Variants in ROBO2 observed in about 807,000 individuals in gnomAD.
ROBO2 encodes the protein roundabout guidance receptor 2, also known as roundabout homolog 2.
Under a neutral mutation model 160.8 loss-of-function variants are expected in ROBO2, and 53 were observed. The ratio of observed to expected loss-of-function variants is 0.33; its 90% CI spans 0.26 to 0.41. The LOEUF (loss-of-function observed/expected upper bound fraction) is 0.41, where lower values mean the gene tolerates loss of function less well. Ranked by LOEUF, ROBO2 falls within the 10% of genes least tolerant of loss-of-function variation. The pLI is 1.00. For missense variants in ROBO2, 1,577 were observed against 1,722.4 expected (o/e 0.92, Z 1.49); for synonymous variants, 664 against 611.7 (o/e 1.09, Z -1.26).
rs1231306965 is a variant in ROBO2 at position 76,272,917 on chromosome 3, A to AT, written c.109+335315_109+335316insT. 1.8e-3 allele frequency among the ~76,000 whole-genome samples: 43 copies of AT among 23,730 alleles called. 2 individuals carry two copies. Among genetic ancestry groups the AT allele is most frequent in the Non-Finnish European group, 2.9e-3 (26 of 8,932 alleles). The allele number at this position is 23,730 out of a possible 152,430, so 15.6% of individuals were successfully genotyped here. ...AAATATAATATATATTTATATATAA[A>AT]ATATATATATTTATATATAAATATA... On this transcript the variant is annotated intron_variant, in intron 2 of 26. Coordinates refer to the ROBO2 transcript ENST00000487694.
intron 17 of ROBO2, among the ~76,000 whole-genome samples, chr3:77,591,424 T>C (rs998460898): frequency 6.6e-6 from 1 of 152,136 alleles, no homozygotes; most frequent in Non-Finnish European, 1.5e-5. Context: ...TCTACCCCAG[T>C]TGTAGCAGGC....
At chr3:77,412,198 T>C (rs988714226) in intron 2 of ROBO2, among the ~76,000 whole-genome samples, 5 of 152,184 alleles carry the variant, frequency 3.3e-5, no homozygotes, top group African/African-American at 9.6e-5. Context: ...AAGACATCTG[T>C]AGGTTCTTTA....
At chr3:76,878,405 TA>T (rs2072996044) in intron 2 of ROBO2, among the ~76,000 whole-genome samples, 2 of 152,230 alleles carry the variant, frequency 1.3e-5, no homozygotes, top group African/African-American at 4.8e-5. Context: ...CACTAAAATT[TA>T]TTCTTTTGGT....
Position 77,437,950 on chromosome 3 carries a change from G to T in ROBO2, c.389-39464G>T, listed in dbSNP as rs138949968. 9.1e-4 allele frequency among the ~76,000 whole-genome samples: 139 copies of T among 152,070 alleles called. 2 individuals carry two copies. In the East Asian group the frequency reaches 0.018, roughly 20 times the overall value. On this transcript the variant is annotated intron_variant, in intron 2 of 25. Transcript: ENST00000461745. Reference sequence around the variant, plus strand: ...GATAATAAATAAAGTGTAGCAGTATGTTTATTAAAAATCTATGCCTTAAAG... The same window carrying T: ...GATAATAAATAAAGTGTAGCAGTATTTTTATTAAAAATCTATGCCTTAAAG...
chr3:76,685,719 A>C (rs1242598655), intron 2 of ROBO2, among the ~76,000 whole-genome samples: 4 of 152,174 alleles, frequency 2.6e-5, no homozygotes, highest in Non-Finnish European at 5.9e-5. Context: ...TTCAAAATAG[A>C]AGGTTCATAC....
intron 2 of ROBO2, among the ~76,000 whole-genome samples, chr3:77,187,771 A>G (rs1413501368): frequency 6.6e-6 from 1 of 151,988 alleles, no homozygotes; most frequent in Non-Finnish European, 1.5e-5. Context: ...AAGAATAAAA[A>G]AGTGTATTAT....
At chr3:75,919,310 A>G (rs993352190) in intron 1 of ROBO2, among the ~76,000 whole-genome samples, 2 of 152,160 alleles carry the variant, frequency 1.3e-5, no homozygotes, top group African/African-American at 4.8e-5. Flanking sequence ...AGTTTTTGTC[A>G]TTGGTTCTGT....
At chr3:76,653,080 T>G (rs2091326046) in intron 2 of ROBO2, among the ~76,000 whole-genome samples, 1 of 152,038 alleles carries the variant, frequency 6.6e-6, no homozygotes, top group Non-Finnish European at 1.5e-5. Context: ...GCTTTTTTTG[T>G]TTTGTTTTGT....
At chr3:76,595,286 T>C (rs531317824) in intron 2 of ROBO2, among the ~76,000 whole-genome samples, 2 of 152,022 alleles carry the variant, frequency 1.3e-5, no homozygotes, top group South Asian at 2.1e-4. Context: ...TATATATACA[T>C]AGAACACATT....
chr3:76,392,467 A>G (rs2077202508), intron 2 of ROBO2, among the ~76,000 whole-genome samples: 1 of 152,160 alleles, frequency 6.6e-6, no homozygotes, highest in Admixed American at 6.6e-5. Flanking sequence ...GTTATACTAA[A>G]TTGATATGCA....
At chr3:76,854,008 A>G (rs2069711815) in intron 2 of ROBO2, among the ~76,000 whole-genome samples, 1 of 145,960 alleles carries the variant, frequency 6.9e-6, no homozygotes, top group Non-Finnish European at 1.5e-5. Flanking sequence ...GACAGCCAAA[A>G]GCATAGACTT....
At chr3:76,025,859 A>G (rs189405178) in intron 2 of ROBO2, among the ~76,000 whole-genome samples, 10 of 151,964 alleles carry the variant, frequency 6.6e-5, no homozygotes, top group South Asian at 2.1e-4. Context: ...CTGCCACTTC[A>G]GTGGCATCTA....
At chr3:77,440,893 T>C (rs1219380996) in intron 2 of ROBO2, among the ~76,000 whole-genome samples, 2 of 152,114 alleles carry the variant, frequency 1.3e-5, no homozygotes, top group Non-Finnish European at 2.9e-5. Context: ...GAGGAGAGGA[T>C]ATGTCACTAT....
At chr3:75,942,291 A>G (rs1948093379) in intron 2 of ROBO2, among the ~76,000 whole-genome samples, 1 of 152,094 alleles carries the variant, frequency 6.6e-6, no homozygotes, top group South Asian at 2.1e-4. Flanking sequence ...TTTTCATTTG[A>G]TAATTGAATA....
intron 2 of ROBO2, among the ~76,000 whole-genome samples, chr3:76,901,756 C>T (rs1165326886): frequency 2.6e-5 from 4 of 151,842 alleles, no homozygotes; most frequent in Admixed American, 2.6e-4. Context: ...CACTTTTTGA[C>T]CCACTTAAAT....
chr3:77,610,241 A>T (rs1013882924), intron 21 of ROBO2, among the ~76,000 whole-genome samples: 1 of 152,052 alleles, frequency 6.6e-6, no homozygotes, highest in Non-Finnish European at 1.5e-5. Flanking sequence ...CTTCTAGAAA[A>T]TTTTTCTATA....
At chr3:77,343,272 A>G (rs1219024434) in intron 2 of ROBO2, among the ~76,000 whole-genome samples, 2 of 152,184 alleles carry the variant, frequency 1.3e-5, no homozygotes, top group African/African-American at 4.8e-5. Flanking sequence ...TTACATAAGC[A>G]GAAGAGAGGA....
chr3:77,459,166 A>G (rs905431329), intron 2 of ROBO2, among the ~76,000 whole-genome samples: 2 of 152,208 alleles, frequency 1.3e-5, no homozygotes, highest in African/African-American at 4.8e-5. Flanking sequence ...ATTTGAATAC[A>G]TGAAATTTAG....
At chr3:77,496,429 G>A (rs1225175263) in intron 5 of ROBO2, among the ~76,000 whole-genome samples, 1 of 152,102 alleles carries the variant, frequency 6.6e-6, no homozygotes, top group Non-Finnish European at 1.5e-5. Flanking sequence ...CATAATGAGA[G>A]AGAAAGACAC....
Sources: allele counts gnomAD v4.1 joint callset (sites outside exome capture counted in the v4.1 genomes callset), GRCh38; gene constraint gnomAD v4.1.1; transcripts MANE v1.5; gene names NCBI Gene and HGNC (gene_info 2026-07-23, HGNC 2026-07-21).